Variants in FBXL7 observed in about 807,000 individuals in gnomAD.
The protein encoded by FBXL7 is F-box/LRR-repeat protein 7.
Under a neutral mutation model 38.3 loss-of-function variants are expected in FBXL7, and 12 were observed. That is an observed-to-expected ratio of 0.31 (90% CI 0.20 to 0.51). FBXL7 has a LOEUF of 0.51. FBXL7 is among the 20% of genes least tolerant of loss of function. The pLI is 0.98. For synonymous variants in FBXL7, 297 were observed against 300.9 expected (o/e 0.99, Z 0.13); for missense variants, 567 against 676.4 (o/e 0.84, Z 1.79).
chr5:15,531,536 G>T (rs1257293317), intron 1 of FBXL7, among the ~76,000 whole-genome samples: 2 of 152,196 alleles, frequency 1.3e-5, no homozygotes, highest in African/African-American at 4.8e-5. Flanking sequence ...GTTTGGTCTG[G>T]CTATATGGCC....
At chr5:15,612,968 T>A (rs1166888703) in intron 1 of FBXL7, among the ~76,000 whole-genome samples, 3 of 152,196 alleles carry the variant, frequency 2.0e-5, no homozygotes, top group African/African-American at 7.2e-5. Flanking sequence ...ATGTTATGGA[T>A]CTTATTGTTT....
intron 1 of FBXL7, among the ~76,000 whole-genome samples, chr5:15,600,276 A>G (rs1252826607): frequency 6.6e-6 from 1 of 152,186 alleles, no homozygotes; most frequent in African/African-American, 2.4e-5. Context: ...GAACCACAGA[A>G]GGGAGGGGCA....
intron 1 of FBXL7, among the ~76,000 whole-genome samples, chr5:15,544,125 C>T (rs141122454): frequency 1.9e-3 from 285 of 152,280 alleles, no homozygotes; most frequent in African/African-American, 5.7e-3. Flanking sequence ...GACACATTGC[C>T]GATGGGGTAG....
In FBXL7 at chr5:15,935,484, G is replaced by A. The variant is rs528960090; in HGVS notation, c.740-966G>A. 5.3e-4 allele frequency among the ~76,000 whole-genome samples: 64 copies of A among 120,100 alleles called. 1 individual carries two copies. Among genetic ancestry groups the A allele is most frequent in the African/African-American group, 2.1e-3 (61 of 29,518 alleles). The allele number at this position is 120,100 out of a possible 152,430, so 78.8% of individuals were successfully genotyped here. ...ATCGACTGTAGGAGCTAAGGGCAGG[G>A]AAGGGAGTCTGATTCAAGGACACCT... On this transcript the variant is annotated intron_variant, in intron 3 of 3. Transcript: ENST00000504595.
rs143704972 is a variant in FBXL7 at position 15,523,603 on chromosome 5, G to A, written c.37+22890G>A. Among the ~76,000 whole-genome samples, 139 of 152,054 alleles carry A rather than the reference G, an allele frequency of 9.1e-4. 2 individuals carry two copies. The highest frequency in any genetic ancestry group is 3.1e-3 in the African/African-American group (127 of 41,478). On this transcript the variant is annotated intron_variant, in intron 1 of 3. Transcript: ENST00000504595. ...ATAGTAGCTTGGAGGTGAGCAGTCC[G>A]GATTTCACGTGGGGCTCCTCTTTGT...
At chr5:15,782,869 A>C (rs1203705869) in intron 2 of FBXL7, among the ~76,000 whole-genome samples, 2 of 152,102 alleles carry the variant, frequency 1.3e-5, no homozygotes, top group Non-Finnish European at 2.9e-5. Flanking sequence ...AAAGGGCACA[A>C]ATAGTGGAAA....
chr5:15,632,330 C>T (rs1351503998), intron 2 of FBXL7, among the ~76,000 whole-genome samples: 3 of 151,862 alleles, frequency 2.0e-5, no homozygotes, highest in Non-Finnish European at 4.4e-5. Context: ...ATTTTTATAA[C>T]AAAAAGACAT....
intron 1 of FBXL7, among the ~76,000 whole-genome samples, chr5:15,615,661 G>A (rs1561052892): frequency 6.6e-6 from 1 of 152,142 alleles, no homozygotes; most frequent in Non-Finnish European, 1.5e-5. Context: ...TGCAGGAGAT[G>A]TGTTCCCCAC....
chr5:15,840,721 C>T (rs1371962563), intron 2 of FBXL7, among the ~76,000 whole-genome samples: 3 of 151,714 alleles, frequency 2.0e-5, no homozygotes, highest in African/African-American at 7.3e-5. Context: ...GTGGCACGCG[C>T]TTGTAGTCTC....
At position 15,615,082 on chromosome 5, in the gene FBXL7, G is replaced by A. The variant is rs139556844; in HGVS notation, c.38-901G>A. Among the ~76,000 whole-genome samples the A allele has an allele frequency of 3.3e-4, 51 of 152,260 alleles. 1 individual carries two copies. In the East Asian group the frequency reaches 7.2e-3, roughly 21 times the overall value. ...CCATGAGGGCGTCTTAGGAATCTGCGCACCACAGTCAGTAGGTTTCTCCAT... is the reference window on the plus strand; with the variant it reads ...CCATGAGGGCGTCTTAGGAATCTGCACACCACAGTCAGTAGGTTTCTCCAT... On this transcript the variant is annotated intron_variant, in intron 1 of 3. Coordinates refer to ENST00000504595, the MANE Select transcript of FBXL7 (RefSeq NM_012304.5).
At chr5:15,621,639 A>G (rs191213197) in intron 2 of FBXL7, among the ~76,000 whole-genome samples, 6 of 152,272 alleles carry the variant, frequency 3.9e-5, no homozygotes, top group African/African-American at 9.6e-5. Context: ...CTATGGCTCT[A>G]TGGGCGGGTG....
chr5:15,617,184 T>G (rs181537463), intron 2 of FBXL7, among the ~76,000 whole-genome samples: 1 of 152,238 alleles, frequency 6.6e-6, no homozygotes, highest in Non-Finnish European at 1.5e-5. Context: ...AATTACCTTT[T>G]CTGGGTTAAT....
At chr5:15,594,833 A>G (rs1739578961) in intron 1 of FBXL7, among the ~76,000 whole-genome samples, 1 of 152,200 alleles carries the variant, frequency 6.6e-6, no homozygotes, top group African/African-American at 2.4e-5. Flanking sequence ...TGATTGCAGG[A>G]GAAACGCTGT....
At chr5:15,669,206 C>A (rs895956356) in intron 2 of FBXL7, among the ~76,000 whole-genome samples, 1 of 152,102 alleles carries the variant, frequency 6.6e-6, no homozygotes, top group South Asian at 2.1e-4. Flanking sequence ...AGGAATGGAA[C>A]TTTTCAAAAG....
At chr5:15,523,852 A>G (rs1737175780) in intron 1 of FBXL7, among the ~76,000 whole-genome samples, 1 of 152,202 alleles carries the variant, frequency 6.6e-6, no homozygotes, top group Admixed American at 6.5e-5. Context: ...AGTCTGGGAA[A>G]TGCGGCGTTC....
rs537223653 is a variant in FBXL7 at position 15,900,848 on chromosome 5, T to C, written c.128-27042T>C. Among the ~76,000 whole-genome samples the C allele has an allele frequency of 2.6e-5, 4 of 152,328 alleles. No individual in the cohort carries two copies. In the East Asian group the frequency reaches 7.7e-4, roughly 29 times the overall value. ...GGCCTAATTTTCAGGCTTCCAGTTTTCTTTAGAACAAGTTTACTTTACAAT... is the reference window on the plus strand; with the variant it reads ...GGCCTAATTTTCAGGCTTCCAGTTTCCTTTAGAACAAGTTTACTTTACAAT... On this transcript the variant is annotated intron_variant, in intron 2 of 3. Transcript: ENST00000504595.
At chr5:15,557,758 C>T (rs1738291155) in intron 1 of FBXL7, among the ~76,000 whole-genome samples, 2 of 152,156 alleles carry the variant, frequency 1.3e-5, no homozygotes, top group Admixed American at 1.3e-4. Flanking sequence ...AACCCAGGGA[C>T]CCCTGAGGGG....
At chr5:15,571,254 A>G (rs568861452) in intron 1 of FBXL7, among the ~76,000 whole-genome samples, 37 of 152,194 alleles carry the variant, frequency 2.4e-4, no homozygotes, top group African/African-American at 8.9e-4. Flanking sequence ...TTTCTAAACA[A>G]TGCCGCCTCA....
At chr5:15,747,845 T>C (rs1736053942) in intron 2 of FBXL7, among the ~76,000 whole-genome samples, 1 of 152,140 alleles carries the variant, frequency 6.6e-6, no homozygotes, top group Non-Finnish European at 1.5e-5. Flanking sequence ...TCCCTCCACC[T>C]CTGTTCCCCA....
Sources: gnomAD v4.1 joint callset for allele counts (sites outside exome capture counted in the v4.1 genomes callset) on GRCh38, gnomAD v4.1.1 for gene constraint, MANE v1.5 for transcripts, NCBI Gene and HGNC (gene_info 2026-07-23, HGNC 2026-07-21) for gene names.